UGT2A1: variants seen among roughly 807,000 people sequenced by gnomAD.
UGT2A1 encodes the protein UDP-glucuronosyltransferase 2A1.
In UGT2A1, 61 loss-of-function variants were observed where a neutral mutation model predicts 45.4. The ratio of observed to expected loss-of-function variants is 1.34; its 90% CI spans 1.09 to 1.66. UGT2A1 has a LOEUF of 1.66. UGT2A1 is among the 40% of genes most tolerant of loss of function. UGT2A1 has a pLI of 0.00. For missense variants in UGT2A1, 649 were observed against 574.3 expected (o/e 1.13, Z -1.33); for synonymous variants, 229 against 196.2 (o/e 1.17, Z -1.40).
Position 69,647,350 on chromosome 4 carries a change from G to GT in UGT2A1, c.294dup (p.Pro99ThrfsTer29). On this transcript the variant is annotated frameshift_variant, in exon 2 of 7. Coordinates refer to ENST00000286604, the MANE Select transcript of UGT2A1 (RefSeq NM_001252275.3). LOFTEE classifies it high-confidence loss of function. ...AATCTCCAAATGGTTGAAGGAGATGGTCTATTTTCCAGCCATGTCAAAACG... is the reference window on the plus strand; with the variant it reads ...AATCTCCAAATGGTTGAAGGAGATGGTTCTATTTTCCAGCCATGTCAAAACG... 6.2e-7 allele frequency: 1 copy of GT among 1,613,258 alleles called. No homozygotes were observed. Among genetic ancestry groups the GT allele is most frequent in the Non-Finnish European group, 8.5e-7 (1 of 1,179,518 alleles).
At chr4:69,640,761 G>C (rs17147534) in intron 2 of UGT2A1, among the ~76,000 whole-genome samples, 3,515 of 151,864 alleles carry the variant, frequency 0.023, 121 homozygotes, top group Non-Finnish European at 0.026. Flanking sequence ...AGAGAGAAGT[G>C]ATGGTTTTAG....
chr4:69,590,223 T>C (rs933508284), intron 6 of UGT2A1, among the ~76,000 whole-genome samples: 1 of 152,188 alleles, frequency 6.6e-6, no homozygotes, highest in African/African-American at 2.4e-5. Flanking sequence ...ACTCTGGTGA[T>C]TTAAGAAGTG....
intron 2 of UGT2A1, among the ~76,000 whole-genome samples, chr4:69,636,643 A>C (rs1721727462): frequency 6.6e-6 from 1 of 152,064 alleles, no homozygotes; most frequent in African/African-American, 2.4e-5. Context: ...CATACCAGAA[A>C]CCATTTATTT....
At chr4:69,592,164 G>T (rs1261022972) in intron 6 of UGT2A1, among the ~76,000 whole-genome samples, 1 of 152,064 alleles carries the variant, frequency 6.6e-6, no homozygotes, top group East Asian at 1.9e-4. Flanking sequence ...CTTCCGTTAA[G>T]AAAAAGCACT....
At chr4:69,592,844 A>AG (rs1718668010) in intron 6 of UGT2A1, among the ~76,000 whole-genome samples, 1 of 152,088 alleles carries the variant, frequency 6.6e-6, no homozygotes, top group Non-Finnish European at 1.5e-5. Flanking sequence ...AAACTGGATA[A>AG]TTTTTTATCT....
chr4:69,621,726 C>T (rs1262969401), intron 3 of UGT2A1, among the ~76,000 whole-genome samples: 1 of 151,858 alleles, frequency 6.6e-6, no homozygotes, highest in East Asian at 1.9e-4. Context: ...GCATGATTCA[C>T]AATAGCAAAA....
chr4:69,594,421 G>A (rs1326485733), intron 6 of UGT2A1, 56 bp downstream of exon 6: 2 of 1,574,318 alleles, frequency 1.3e-6, no homozygotes, highest in East Asian at 4.5e-5. Context: ...ACATTTTCTG[G>A]TATTATGAAT....
chr4:69,602,009 G>T (rs566837099), intron 3 of UGT2A1, among the ~76,000 whole-genome samples: 2 of 136,952 alleles, frequency 1.5e-5, no homozygotes, highest in East Asian at 2.1e-4. Context: ...TATTGAAATA[G>T]AAATCAAATT....
intron 3 of UGT2A1, among the ~76,000 whole-genome samples, chr4:69,614,808 C>T (rs1720277648): frequency 6.6e-6 from 1 of 151,934 alleles, no homozygotes; most frequent in African/African-American, 2.4e-5. Flanking sequence ...TCTCACATTA[C>T]TATAAAGAAC....
At chr4:69,590,538 G>A (rs947463246) in intron 6 of UGT2A1, among the ~76,000 whole-genome samples, 1 of 152,070 alleles carries the variant, frequency 6.6e-6, no homozygotes, top group African/African-American at 2.4e-5. Context: ...CCCGGTGTTG[G>A]CAGGACATTG....
intron 2 of UGT2A1, among the ~76,000 whole-genome samples, chr4:69,641,957 T>C (rs967871760): frequency 1.3e-5 from 2 of 151,658 alleles, no homozygotes; most frequent in Non-Finnish European, 3.0e-5. Flanking sequence ...CTCTACTCTT[T>C]CCCTCCTCCT....
At chr4:69,633,852 T>C (rs917612877) in intron 3 of UGT2A1, among the ~76,000 whole-genome samples, 1 of 152,102 alleles carries the variant, frequency 6.6e-6, no homozygotes, top group African/African-American at 2.4e-5. Flanking sequence ...CATGTTTTGT[T>C]TATTAATTTG....
Position 69,609,051 on chromosome 4 carries a change from C to T in UGT2A1, c.848-9657G>A, listed in dbSNP as rs187171993. ...TCACTTCCATTAAATTTAAAATCTA[C>T]GATTCATTATCTGATATTAAAAGAT... On this transcript the variant is annotated intron_variant, in intron 3 of 6. Transcript: ENST00000286604. Among the ~76,000 whole-genome samples the T allele has an allele frequency of 7.4e-4, 112 of 151,726 alleles. 1 individual carries two copies. The highest frequency in any genetic ancestry group is 2.5e-3 in the African/African-American group (105 of 41,402).
At chr4:69,599,543 G>A (rs1719136687) in intron 3 of UGT2A1, 149 bp from the exon 4 acceptor site, 9 of 1,128,902 alleles carry the variant, frequency 8.0e-6, no homozygotes, top group Non-Finnish European at 1.1e-5. Flanking sequence ...ATATTAAGAA[G>A]AAGGAGAAAT....
At chr4:69,592,736 T>C (rs1384967647) in intron 6 of UGT2A1, among the ~76,000 whole-genome samples, 1 of 151,906 alleles carries the variant, frequency 6.6e-6, no homozygotes. Flanking sequence ...TACTTTATCA[T>C]AGGGAAGACT....
At chr4:69,594,195 C>G (rs1201051052) in intron 6 of UGT2A1, among the ~76,000 whole-genome samples, 1 of 151,880 alleles carries the variant, frequency 6.6e-6, no homozygotes, top group Admixed American at 6.6e-5. Flanking sequence ...AGGATGGTCT[C>G]GATCTCCGGA....
chr4:69,639,696 T>C, intron 2 of UGT2A1: 1 of 1,467,278 alleles, frequency 6.8e-7, no homozygotes, highest in Admixed American at 2.7e-5. Flanking sequence ...TTTAGGTCAA[T>C]TTTTAAATAA....
At chr4:69,630,702 G>T (rs974328833) in intron 3 of UGT2A1, among the ~76,000 whole-genome samples, 1 of 152,094 alleles carries the variant, frequency 6.6e-6, no homozygotes. Flanking sequence ...TAGCCAAGAT[G>T]CCAAGGATGT....
In UGT2A1 at chr4:69,606,678, G is replaced by A. The variant is rs371618424; in HGVS notation, c.848-7284C>T. On this transcript the variant is annotated intron_variant, in intron 3 of 6. Transcript: ENST00000286604. ...GATTGTATATCTAGAAAACACCATCGTCTCAGCCCAAAATCTCCTTAAGCT... is the reference window on the plus strand; with the variant it reads ...GATTGTATATCTAGAAAACACCATCATCTCAGCCCAAAATCTCCTTAAGCT... Among the ~76,000 whole-genome samples the A allele has an allele frequency of 5.5e-3, 753 of 136,524 alleles. 129 individuals carry two copies. The highest frequency in any genetic ancestry group is 7.9e-3 in the Non-Finnish European group (510 of 64,232). The allele number at this position is 136,524 out of a possible 152,430, so 89.6% of individuals were successfully genotyped here.
Sources: allele counts gnomAD v4.1 joint callset (sites outside exome capture counted in the v4.1 genomes callset), GRCh38; gene constraint gnomAD v4.1.1; transcripts MANE v1.5; gene names NCBI Gene and HGNC (gene_info 2026-07-23, HGNC 2026-07-21).